The following PCDHGA11 variants were observed in gnomAD, a reference collection of about 807,000 sequenced individuals.
PCDHGA11 encodes the protein protocadherin gamma-A11.
PCDHGA11 carries 39 observed loss-of-function variants against 60.4 expected under a neutral mutation model. That is an observed-to-expected ratio of 0.65 (90% CI 0.50 to 0.84). The LOEUF is 0.84. PCDHGA11 is among the 40% of genes least tolerant of loss of function. The pLI, the probability that PCDHGA11 is intolerant of heterozygous loss-of-function variation, is 0.00. For synonymous variants in PCDHGA11, 533 were observed against 510.3 expected (o/e 1.04, Z -0.60); for missense variants, 1,165 against 1,197.7 (o/e 0.97, Z 0.40).
At chr5:141,509,411 AGCC>A (rs2099876675) in intron 3 of PCDHGA11, among the ~76,000 whole-genome samples, 2 of 152,098 alleles carry the variant, frequency 1.3e-5, no homozygotes, top group Admixed American at 1.3e-4. Flanking sequence ...TCCAGCAGCG[AGCC>A]CCAATGAGTC....
In PCDHGA11 at chr5:141,511,223, A is replaced by G. The variant is rs1193308928; in HGVS notation, c.*50A>G. On this transcript the variant is annotated 3_prime_UTR_variant, in exon 4 of 4. Transcript: ENST00000398587. ...AGGGCGGCCTCTCCCCAACCAGCCC[A>G]GCTTCTCCTTACCTGCACCCAGGCC... 1 of 1,604,390 alleles carries G rather than the reference A, an allele frequency of 6.2e-7. No individual in the cohort carries two copies.
chr5:141,460,289 T>C, intron 1 of PCDHGA11, among the ~76,000 whole-genome samples: 1 of 152,148 alleles, frequency 6.6e-6, no homozygotes, highest in East Asian at 1.9e-4. Context: ...TTTGTATTTC[T>C]TATGTCCTAT....
chr5:141,494,607 C>T (rs2099755630), intron 1 of PCDHGA11, among the ~76,000 whole-genome samples, 200 bp from the exon 2 acceptor site: 2 of 152,092 alleles, frequency 1.3e-5, no homozygotes, highest in South Asian at 2.1e-4. Flanking sequence ...TGTGATTTAT[C>T]TCTTGGTTTC....
chr5:141,482,510 T>A (rs2099563292), intron 1 of PCDHGA11, among the ~76,000 whole-genome samples: 3 of 121,012 alleles, frequency 2.5e-5, no homozygotes, highest in African/African-American at 3.5e-5. Context: ...GTACCCAGAG[T>A]ACAGTATGAG....
At position 141,491,692 on chromosome 5, in the gene PCDHGA11, C is replaced by A. The variant is rs749349869; in HGVS notation, c.2434-3115C>A. The A allele has an allele frequency of 6.2e-7, 1 of 1,612,592 alleles. No homozygotes were observed. Among genetic ancestry groups the A allele is most frequent in the Non-Finnish European group, 8.5e-7 (1 of 1,179,338 alleles). On this transcript the variant is annotated intron_variant, in intron 1 of 3. Coordinates refer to ENST00000398587, the MANE Select transcript of PCDHGA11 (RefSeq NM_018914.3). This position sits in a 1 kb window ranked among gnomAD's most constrained non-coding sequence, Gnocchi z 6.9. ...GTCCCGCTCTAATACGCTGCGGGAG[C>A]GGAGCCAGGTGAGGGGCTCGGCGCC...
intron 2 of PCDHGA11, among the ~76,000 whole-genome samples, chr5:141,498,394 A>G (rs1043900807): frequency 6.6e-6 from 1 of 152,096 alleles, no homozygotes; most frequent in Non-Finnish European, 1.5e-5. Flanking sequence ...AGGGAATGGC[A>G]GGGAGTTTTC....
At chr5:141,497,092 G>C (rs2099773958) in intron 2 of PCDHGA11, among the ~76,000 whole-genome samples, 1 of 152,092 alleles carries the variant, frequency 6.6e-6, no homozygotes, top group Admixed American at 6.5e-5. Flanking sequence ...AGGAGGCTGA[G>C]GCAGAACTGC....
At chr5:141,502,866 C>CTTTTTTTTTTTTTTTT (rs549047197) in intron 2 of PCDHGA11, among the ~76,000 whole-genome samples, 4 of 128,044 alleles carry the variant, frequency 3.1e-5, no homozygotes, top group African/African-American at 3.1e-5. Context: ...GACTCTCTGT[C>CTTTTTTTTTTTTTTTT]TTTTTTTTTT....
chr5:141,459,105 T>C (rs904382532), intron 1 of PCDHGA11, among the ~76,000 whole-genome samples: 7 of 152,208 alleles, frequency 4.6e-5, no homozygotes, highest in Non-Finnish European at 7.4e-5. Flanking sequence ...GCAATGCATT[T>C]TGACAATTGT....
Position 141,432,248 on chromosome 5 carries a change from C to T in PCDHGA11, c.2433+8588C>T. Reference sequence around the variant, plus strand: ...TTATTCCCTGGCTGAGAACACCATCCAAGGGGCAAGCCTATCGTCCTACGT... The same window carrying T: ...TTATTCCCTGGCTGAGAACACCATCTAAGGGGCAAGCCTATCGTCCTACGT... On this transcript the variant is annotated intron_variant, in intron 1 of 3. Transcript: ENST00000398587. This position sits in a 1 kb window ranked among gnomAD's most constrained non-coding sequence, Gnocchi z 6.0. 1.2e-6 allele frequency: 2 copies of T among 1,614,244 alleles called. No individual in the cohort carries two copies. Among genetic ancestry groups the T allele is most frequent in the South Asian group, 1.1e-5 (1 of 91,090 alleles).
At chr5:141,505,538 T>C in intron 3 of PCDHGA11, 57 bp downstream of exon 3, 1 of 1,610,262 alleles carries the variant, frequency 6.2e-7, no homozygotes, top group Non-Finnish European at 8.5e-7. Context: ...CTGGGGTGCA[T>C]CTCACAGCCA....
chr5:141,451,565 C>A (rs1336048717), intron 1 of PCDHGA11, among the ~76,000 whole-genome samples: 2 of 152,062 alleles, frequency 1.3e-5, no homozygotes, highest in South Asian at 2.1e-4. Flanking sequence ...AAGCCACAAT[C>A]TTTTTATAAA....
At chr5:141,427,812 G>C (rs1380721111) in intron 1 of PCDHGA11, 1 of 1,524,406 alleles carries the variant, frequency 6.6e-7, no homozygotes, top group Non-Finnish European at 9.0e-7. Flanking sequence ...CGCACAGAGC[G>C]GGGTGGTGGT....
chr5:141,425,890 G>A (rs943076854), intron 1 of PCDHGA11, among the ~76,000 whole-genome samples: 1 of 152,118 alleles, frequency 6.6e-6, no homozygotes, highest in Non-Finnish European at 1.5e-5. Flanking sequence ...AATCTTCTTT[G>A]GTAGTAAACA....
chr5:141,451,582 T>C (rs1361047985), intron 1 of PCDHGA11, among the ~76,000 whole-genome samples: 1 of 152,012 alleles, frequency 6.6e-6, no homozygotes, highest in Non-Finnish European at 1.5e-5. Flanking sequence ...TAAACCTAAT[T>C]TTGAAAGTGA....
In PCDHGA11 at chr5:141,447,157, T is replaced by A. The variant is rs569196292; in HGVS notation, c.2433+23497T>A. On this transcript the variant is annotated intron_variant, in intron 1 of 3. Transcript: ENST00000398587. The stretch of plus-strand genomic sequence containing the variant: ...TTTGTTTTTTGTTTTTGTTTTTGTT[T>A]AAGCGGGGTCTTGCTCTTGTCGCGC... Among the ~76,000 whole-genome samples the A allele has an allele frequency of 4.1e-4, 62 of 152,254 alleles. No homozygotes were observed. The South Asian group carries it at 0.013, about 31-fold the overall frequency.
intron 1 of PCDHGA11, chr5:141,427,265 C>T (rs767369457): frequency 6.1e-5 from 28 of 456,570 alleles, no homozygotes; most frequent in Non-Finnish European, 1.1e-4. Context: ...GCATGACCAG[C>T]GAATGTAAAA....
chr5:141,449,944 T>C (rs1375717746), intron 1 of PCDHGA11, among the ~76,000 whole-genome samples: 1 of 151,744 alleles, frequency 6.6e-6, no homozygotes, highest in Non-Finnish European at 1.5e-5. Flanking sequence ...TATATTTTAC[T>C]ATACCTCATA....
At chr5:141,467,537 A>G (rs2154569542) in intron 1 of PCDHGA11, among the ~76,000 whole-genome samples, 1 of 152,192 alleles carries the variant, frequency 6.6e-6, no homozygotes, top group Non-Finnish European at 1.5e-5. Context: ...TGAGATATGG[A>G]TCTGATTATA....
Sources: allele counts gnomAD v4.1 joint callset (sites outside exome capture counted in the v4.1 genomes callset), GRCh38; gene constraint gnomAD v4.1.1; non-coding constraint Gnocchi (gnomAD v3.1); transcripts MANE v1.5; gene names NCBI Gene and HGNC (gene_info 2026-07-23, HGNC 2026-07-21).